EFR3A: variants seen among roughly 807,000 people sequenced by gnomAD.
The protein encoded by EFR3A is EFR3 homolog A.
Under a neutral mutation model 104.4 loss-of-function variants are expected in EFR3A, and 76 were observed. That is an observed-to-expected ratio of 0.73 (90% CI 0.60 to 0.88). EFR3A has a LOEUF of 0.88. Among genes scored for constraint, EFR3A ranks in the 40% least tolerant of loss-of-function variants. The pLI, the probability that EFR3A is intolerant of heterozygous loss-of-function variation, is 0.00. For missense variants in EFR3A, 985 were observed against 1,012.5 expected (o/e 0.97, Z 0.37); for synonymous variants, 330 against 330.0 (o/e 1.00, Z 0.00).
chr8:131,910,548 C>T (rs1410337449), intron 1 of EFR3A, among the ~76,000 whole-genome samples: 2 of 152,222 alleles, frequency 1.3e-5, no homozygotes, highest in Non-Finnish European at 2.9e-5. Context: ...GCTGGAATTA[C>T]AGGCGTGAGC....
chr8:131,995,737 A>G (rs868325114), intron 18 of EFR3A, among the ~76,000 whole-genome samples: 8 of 152,346 alleles, frequency 5.3e-5, no homozygotes, highest in Middle Eastern at 3.4e-3. Context: ...CAATTTGTTC[A>G]GACTGTACAA....
At chr8:131,971,250 A>T (rs899672863) in intron 10 of EFR3A, among the ~76,000 whole-genome samples, 7 of 151,962 alleles carry the variant, frequency 4.6e-5, no homozygotes, top group African/African-American at 1.7e-4. Context: ...TCAGTCTAGG[A>T]TCATATATTG....
chr8:131,996,333 T>G (rs989826030), intron 18 of EFR3A, 73 bp from the exon 19 acceptor site: 80 of 928,276 alleles, frequency 8.6e-5, no homozygotes, highest in Admixed American at 3.2e-5. Flanking sequence ...AAATCTGAAA[T>G]AAGTAGAGTT....
intron 1 of EFR3A, among the ~76,000 whole-genome samples, chr8:131,920,462 T>C (rs1451111856): frequency 6.6e-6 from 1 of 152,148 alleles, no homozygotes; most frequent in East Asian, 1.9e-4. Context: ...CTTAGGGACA[T>C]TTTTTAGCTC....
intron 1 of EFR3A, among the ~76,000 whole-genome samples, chr8:131,911,234 C>T (rs992293921): frequency 1.3e-5 from 2 of 152,100 alleles, no homozygotes; most frequent in Non-Finnish European, 2.9e-5. Context: ...TATATGATGC[C>T]AATATAAGTA....
At chr8:131,909,826 A>C (rs1816426323) in intron 1 of EFR3A, among the ~76,000 whole-genome samples, 1 of 152,184 alleles carries the variant, frequency 6.6e-6, no homozygotes, top group Non-Finnish European at 1.5e-5. Context: ...AAGTGTCTCT[A>C]GATATTGCCA....
intron 1 of EFR3A, among the ~76,000 whole-genome samples, chr8:131,906,916 A>G (rs909671309): frequency 2.0e-5 from 3 of 152,178 alleles, no homozygotes; most frequent in Non-Finnish European, 4.4e-5. Context: ...TTTTATTTGA[A>G]AGATTTTCAA....
At chr8:131,940,372 T>C in intron 1 of EFR3A, 127 bp from the exon 2 acceptor site, 1 of 846,846 alleles carries the variant, frequency 1.2e-6, no homozygotes, top group Non-Finnish European at 1.8e-6. Context: ...TACATTTGTA[T>C]GTCTTTATTT....
At chr8:132,009,703 G>A (rs1428237928) in intron 22 of EFR3A, among the ~76,000 whole-genome samples, 3 of 151,986 alleles carry the variant, frequency 2.0e-5, no homozygotes, top group Non-Finnish European at 4.4e-5. Flanking sequence ...CTTTTGCCAA[G>A]GTAGACAGCT....
intron 22 of EFR3A, among the ~76,000 whole-genome samples, chr8:132,006,554 A>G (rs568709988): frequency 3.9e-5 from 6 of 152,210 alleles, no homozygotes; most frequent in South Asian, 2.1e-4. Context: ...AAAGCATCCT[A>G]CAAGAAAATG....
intron 1 of EFR3A, among the ~76,000 whole-genome samples, chr8:131,905,596 G>A (rs531033285): frequency 9.9e-5 from 15 of 152,224 alleles, no homozygotes; most frequent in African/African-American, 3.4e-4. Context: ...CTTAACTCAC[G>A]TTCTTGGACT....
chr8:131,940,375 CTTTA>C (rs1364509276), intron 1 of EFR3A, 120 bp from the exon 2 acceptor site: 17 of 895,598 alleles, frequency 1.9e-5, no homozygotes, highest in Non-Finnish European at 2.8e-5. Flanking sequence ...ATTTGTATGT[CTTTA>C]TTTGTGACAG....
At chr8:131,941,809 C>T (rs953462200) in intron 2 of EFR3A, among the ~76,000 whole-genome samples, 3 of 151,994 alleles carry the variant, frequency 2.0e-5, no homozygotes, top group African/African-American at 7.2e-5. Flanking sequence ...AGATTAGTCT[C>T]TTTATTGCAA....
chr8:131,935,414 G>A lies in EFR3A; in HGVS notation c.11-5085G>A, dbSNP rs976372272. 4.9e-5 allele frequency: 17 copies of A among 346,760 alleles called. No homozygotes were observed. In the East Asian group the frequency reaches 5.9e-4, roughly 12 times the overall value. 21.5% of individuals were successfully genotyped at this position (346,760 alleles called of 1,614,324 possible). On this transcript the variant is annotated intron_variant, in intron 1 of 22. Transcript: ENST00000254624. Reference sequence around the variant, plus strand: ...TGAAGACAGACACATATATGTAAACGAGCAGTAGATTGTTACAGGTGCTGT... The same window carrying A: ...TGAAGACAGACACATATATGTAAACAAGCAGTAGATTGTTACAGGTGCTGT...
intron 17 of EFR3A, among the ~76,000 whole-genome samples, chr8:131,986,885 T>C (rs1459688449): frequency 6.6e-6 from 1 of 152,156 alleles, no homozygotes; most frequent in African/African-American, 2.4e-5. Flanking sequence ...TGTTCTCATA[T>C]GTAAATGATC....
chr8:131,945,861 T>G (rs999953921), intron 3 of EFR3A, among the ~76,000 whole-genome samples: 6 of 152,066 alleles, frequency 3.9e-5, no homozygotes, highest in African/African-American at 7.2e-5. Context: ...ACTGTGCTGT[T>G]GAACATTAGA....
At chr8:131,979,064 T>G (rs1184358900) in intron 13 of EFR3A, 45 bp downstream of exon 13, 3 of 1,526,798 alleles carry the variant, frequency 2.0e-6, no homozygotes, top group East Asian at 4.6e-5. Context: ...TGTTTTTAAA[T>G]TGCTAAATTA....
chr8:131,938,128 C>A, intron 1 of EFR3A: 1 of 393,608 alleles, frequency 2.5e-6, no homozygotes, highest in Non-Finnish European at 4.5e-6. Flanking sequence ...GTGCCCTCTG[C>A]TAATTAATTA....
At position 132,010,829 on chromosome 8, in the gene EFR3A, T is replaced by C; in HGVS notation, c.2400T>C (p.Ser800=). 2 of 1,612,626 alleles carry C rather than the reference T, an allele frequency of 1.2e-6. No individual in the cohort carries two copies. The highest frequency in any genetic ancestry group is 1.3e-5 in the African/African-American group (1 of 75,000). ...CATCAGGAACACTGACCATTACTTC[T>C]GGGCATGCCCAATACCAATCTGTCC... ...PSPSGTLTIT[S]GHAQYQSVPV... is the part of the protein sequence containing the mutation. Residue 800 remains serine (S), a synonymous_variant, in exon 23 of 23, where the codon TCT becomes TCC. Transcript: ENST00000254624.
Sources: allele counts gnomAD v4.1 joint callset (sites outside exome capture counted in the v4.1 genomes callset), GRCh38; gene constraint gnomAD v4.1.1; transcripts MANE v1.5; gene names NCBI Gene and HGNC (gene_info 2026-07-23, HGNC 2026-07-21).